The following WNT7B variants were observed in gnomAD, a reference collection of about 807,000 sequenced individuals.
WNT7B encodes the protein protein Wnt-7b.
Under a neutral mutation model 38.2 loss-of-function variants are expected in WNT7B, and 19 were observed. The observed-to-expected ratio is 0.50, with a 90% CI of 0.35 to 0.73. The LOEUF is 0.73. Ranked by LOEUF, WNT7B falls within the 30% of genes least tolerant of loss-of-function variation. WNT7B has a pLI of 0.01. For missense variants in WNT7B, 423 were observed against 507.9 expected (o/e 0.83, Z 1.61); for synonymous variants, 243 against 209.3 (o/e 1.16, Z -1.39).
chr22:45,950,271 C>A, intron 1 of WNT7B, 125 bp from the exon 2 acceptor site: 2 of 799,192 alleles, frequency 2.5e-6, no homozygotes, highest in Non-Finnish European at 4.1e-6. Context: ...CACCAGGGCA[C>A]AAGCAGATCC....
rs779484419 is a variant in WNT7B at position 45,931,206 on chromosome 22, G to C, written c.462C>G (p.Ala154=). The C allele has an allele frequency of 5.6e-6, 9 of 1,599,358 alleles. No homozygotes were observed. Among genetic ancestry groups the C allele is most frequent in the Non-Finnish European group, 7.6e-6 (9 of 1,179,822 alleles). ...AEGWKWGGCS[A]DVRYGIDFSR... is the part of the protein sequence containing the mutation. ...AGAAGTCGATGCCGTAACGCACGTC[G>C]GCCGAGCAGCCGCCCCACTTCCAGC... The change falls in exon 3 of 4, where the codon GCC becomes GCG. Residue 154 remains alanine (A), a synonymous_variant. Coordinates refer to ENST00000339464, the MANE Select transcript of WNT7B (RefSeq NM_058238.3).
At position 45,975,705 on chromosome 22, in the gene WNT7B, G is replaced by T. The variant is rs1932535669; in HGVS notation, c.71+979C>A. The T allele has an allele frequency of 5.5e-6, 3 of 543,872 alleles. No individual in the cohort carries two copies. In the South Asian group the frequency reaches 7.4e-5, roughly 13 times the overall value. 33.7% of individuals were successfully genotyped at this position (543,872 alleles called of 1,614,324 possible). On this transcript the variant is annotated intron_variant, in intron 1 of 3. Transcript: ENST00000339464. This position sits in a 1 kb window ranked among gnomAD's most constrained non-coding sequence, Gnocchi z 6.6. ...ACCGCCTTGCCTGTGGCCTGGACGG[G>T]GCTCGCCTCGGGGCAGCCGGCGGCG... is the stretch of plus-strand genomic sequence containing the variant.
At chr22:45,933,866 G>A (rs1196007981) in intron 2 of WNT7B, among the ~76,000 whole-genome samples, 1 of 152,180 alleles carries the variant, frequency 6.6e-6, no homozygotes, top group Non-Finnish European at 1.5e-5. Context: ...CCACAGAGGA[G>A]GGGGAGAATG....
intron 1 of WNT7B, among the ~76,000 whole-genome samples, chr22:45,961,538 A>C (rs1932196750): frequency 6.7e-6 from 1 of 148,834 alleles, no homozygotes; most frequent in South Asian, 2.2e-4. Flanking sequence ...GGAAACTGAG[A>C]CTCAGAGACA....
In WNT7B at chr22:45,964,422, C is replaced by A. The variant is rs192662592; in HGVS notation, c.71+12262G>T. On this transcript the variant is annotated intron_variant, in intron 1 of 3. Transcript: ENST00000339464. ...AGGAGTGTGGCCCCTGCAGGCCAGCCCCCCCCAGGCTGAGGGGAGTCATGG... is the reference window on the plus strand; with the variant it reads ...AGGAGTGTGGCCCCTGCAGGCCAGCACCCCCCAGGCTGAGGGGAGTCATGG... 2.4e-3 allele frequency among the ~76,000 whole-genome samples: 363 copies of A among 152,216 alleles called. 7 individuals carry two copies. Among genetic ancestry groups the A allele is most frequent in the Admixed American group, 0.021 (314 of 15,300 alleles).
In WNT7B at chr22:45,921,472, G is replaced by A. The variant is rs1390295062; in HGVS notation, c.*1384C>T. 6.6e-6 allele frequency: 1 copy of A among 152,310 alleles called. No homozygotes were observed. The highest frequency in any genetic ancestry group is 6.5e-5 in the Admixed American group (1 of 15,294). The allele number at this position is 152,310 out of a possible 1,614,324, so 9.4% of individuals were successfully genotyped here. On this transcript the variant is annotated 3_prime_UTR_variant, in exon 4 of 4. Coordinates refer to ENST00000339464, the MANE Select transcript of WNT7B (RefSeq NM_058238.3). Reference sequence around the variant, plus strand: ...TGTTCTCCCAGGTCCAGAGCCCCAGGCTGGGCAGGAGAAAGGTGGAAGCCT... The same window carrying A: ...TGTTCTCCCAGGTCCAGAGCCCCAGACTGGGCAGGAGAAAGGTGGAAGCCT...
At chr22:45,927,525 G>A in intron 3 of WNT7B, 6 of 1,527,758 alleles carry the variant, frequency 3.9e-6, no homozygotes, top group Non-Finnish European at 5.3e-6. Context: ...TTACAGATGT[G>A]GTCAAGGAAA....
In WNT7B at chr22:45,976,540, G is replaced by T; in HGVS notation, c.71+144C>A. On this transcript the variant is annotated intron_variant, in intron 1 of 3. Transcript: ENST00000339464. The surrounding 1 kb of genome is among the most constrained non-coding windows in gnomAD (Gnocchi z 8.5). The stretch of plus-strand genomic sequence containing the variant: ...CTGCGTCTCTGCTGGCGTGGGGCGA[G>T]GGTCTGACACACGGGCCAGCCCCGG... 1 of 833,414 alleles carries T rather than the reference G, an allele frequency of 1.2e-6. No homozygotes were observed. Among genetic ancestry groups the T allele is most frequent in the Non-Finnish European group, 1.9e-6 (1 of 534,706 alleles). The allele number at this position is 833,414 out of a possible 1,614,324, so 51.6% of individuals were successfully genotyped here.
intron 1 of WNT7B, among the ~76,000 whole-genome samples, chr22:45,967,039 G>T (rs948127828): frequency 6.6e-6 from 1 of 152,216 alleles, no homozygotes; most frequent in Non-Finnish European, 1.5e-5. Flanking sequence ...TGGGTGAGGG[G>T]CAGGGATGGG....
Position 45,921,789 on chromosome 22 carries a change from C to G in WNT7B, c.*1067G>C, listed in dbSNP as rs190236470. 1 of 152,182 alleles carries G rather than the reference C, an allele frequency of 6.6e-6. No homozygotes were observed. The highest frequency in any genetic ancestry group is 1.5e-5 in the Non-Finnish European group (1 of 68,052). 9.4% of individuals were successfully genotyped at this position (152,182 alleles called of 1,614,324 possible). On this transcript the variant is annotated 3_prime_UTR_variant, in exon 4 of 4. Transcript: ENST00000339464. ...TTCTTTTCTTTTTTTGAGACAGAGT[C>G]GTGCTCTGTCACCCAAGTTGGAATA...
intron 1 of WNT7B, among the ~76,000 whole-genome samples, chr22:45,960,934 T>C (rs1040513499): frequency 7.2e-5 from 11 of 152,150 alleles, no homozygotes; most frequent in Non-Finnish European, 1.2e-4. Context: ...GTGGCCTCAG[T>C]GTTCCTGCCT....
chr22:45,954,660 A>G (rs1395605142), intron 1 of WNT7B: 1 of 985,330 alleles, frequency 1.0e-6, no homozygotes, highest in African/African-American at 1.7e-5. Context: ...AATAGAATAC[A>G]GGCTCCTGCA....
At chr22:45,957,581 G>A (rs909722866) in intron 1 of WNT7B, among the ~76,000 whole-genome samples, 1 of 148,552 alleles carries the variant, frequency 6.7e-6, no homozygotes, top group Non-Finnish European at 1.5e-5. Context: ...CTACTTGGGA[G>A]GCTGAGGAAG....
At position 45,931,249 on chromosome 22, in the gene WNT7B, T is replaced by C. The variant is rs1300299682; in HGVS notation, c.419A>G (p.Tyr140Cys). 6 of 1,599,026 alleles carry C rather than the reference T, an allele frequency of 3.8e-6. No homozygotes were observed. The highest frequency in any genetic ancestry group is 1.1e-5 in the South Asian group (1 of 91,082). ...CTTCCAGCCCTCGGCTTGGTTGTAGTAGCCCTGCTTCTCGCGGTCGCAGCC... is the reference window on the plus strand; with the variant it reads ...CTTCCAGCCCTCGGCTTGGTTGTAGCAGCCCTGCTTCTCGCGGTCGCAGCC... ...NCGCDREKQGYYNQAEGWKWG... is the reference protein window; with the variant it reads ...NCGCDREKQGCYNQAEGWKWG... Residue 140 changes from tyrosine (Y) to cysteine (C), a missense_variant, in exon 3 of 4, where the codon TAC (tyrosine) becomes TGC (cysteine). By Grantham distance (194) the Tyr-to-Cys change is radical. Around this residue, in one of 3 missense-constraint regions of WNT7B, gnomAD observed 132 missense variants for 113.4 expected, o/e 1.16. Transcript: ENST00000339464.
rs1412491254 is a variant in WNT7B at position 45,921,563 on chromosome 22, T to C, written c.*1293A>G. On this transcript the variant is annotated 3_prime_UTR_variant, in exon 4 of 4. Coordinates refer to ENST00000339464, the MANE Select transcript of WNT7B (RefSeq NM_058238.3). ...CTCTGGGCCTCAGAGTTCCCATCTG[T>C]CAAGTGGGACAAACATCCCTGACCA... 4 of 152,154 alleles carry C rather than the reference T, an allele frequency of 2.6e-5. No individual in the cohort carries two copies. Among genetic ancestry groups the C allele is most frequent in the African/African-American group, 9.7e-5 (4 of 41,412 alleles). The allele number at this position is 152,154 out of a possible 1,614,324, so 9.4% of individuals were successfully genotyped here.
At chr22:45,972,116 G>GGGGCCCCCCCC (rs1283205696) in intron 1 of WNT7B, 8 of 530,720 alleles carry the variant, frequency 1.5e-5, no homozygotes, top group East Asian at 3.7e-5. Flanking sequence ...CCCGGGGGGA[G>GGGGCCCCCCCC]CCCACCCGCC....
At position 45,922,722 on chromosome 22, in the gene WNT7B, C is replaced by T. The variant is rs1930962718; in HGVS notation, c.*134G>A. 6 of 1,414,594 alleles carry T rather than the reference C, an allele frequency of 4.2e-6. No individual in the cohort carries two copies. In the South Asian group the frequency reaches 7.1e-5, roughly 17 times the overall value. 87.6% of individuals were successfully genotyped at this position (1,414,594 alleles called of 1,614,324 possible). ...GGGCGTGGGCCCCGGCCGGTGCCCT[C>T]CTGCACCTGGAGCTCCCCGCTTCTG... is the stretch of plus-strand genomic sequence containing the variant. On this transcript the variant is annotated 3_prime_UTR_variant, in exon 4 of 4. Transcript: ENST00000339464.
At chr22:45,973,003 C>CACTG (rs1384201858) in intron 1 of WNT7B, among the ~76,000 whole-genome samples, 3 of 152,246 alleles carry the variant, frequency 2.0e-5, no homozygotes, top group African/African-American at 7.2e-5. Context: ...CGCACACAGG[C>CACTG]ACTGCCATGG....
rs1235658264 is a variant in WNT7B, at chr22:45,920,548, C to G, written c.*2308G>C. ...GGGTGGGCAGGGGCTCAGTGGGGTG[C>G]CCGGCAGCCAAGGGACAGTGCGAGT... On this transcript the variant is annotated 3_prime_UTR_variant, in exon 4 of 4. Transcript: ENST00000339464. 1 of 151,092 alleles carries G rather than the reference C, an allele frequency of 6.6e-6. No homozygotes were observed. The highest frequency in any genetic ancestry group is 2.4e-5 in the African/African-American group (1 of 41,006). 9.4% of individuals were successfully genotyped at this position (151,092 alleles called of 1,614,324 possible).
Sources: gnomAD v4.1 joint callset for allele counts (sites outside exome capture counted in the v4.1 genomes callset) on GRCh38, gnomAD v4.1.1 for gene constraint, gnomAD v4.1.1 regional missense constraint, Gnocchi (gnomAD v3.1) non-coding constraint, MANE v1.5 for transcripts, NCBI Gene and HGNC (gene_info 2026-07-23, HGNC 2026-07-21) for gene names.